The following BCAT2 variants were observed in gnomAD, a reference collection of about 807,000 sequenced individuals.
BCAT2 encodes the protein branched-chain-amino-acid aminotransferase, mitochondrial.
A neutral mutation model predicts 52.9 loss-of-function variants in BCAT2; 44 were observed. The observed-to-expected ratio is 0.83, with a 90% CI of 0.65 to 1.07. The LOEUF is 1.07. BCAT2 is among the 50% of genes least tolerant of loss of function. BCAT2 has a pLI of 0.00. For synonymous variants in BCAT2, 215 were observed against 217.1 expected (o/e 0.99, Z 0.08); for missense variants, 478 against 521.8 (o/e 0.92, Z 0.82).
intron 2 of BCAT2, 22 bp from the exon 3 acceptor site, chr19:48,806,739 C>T (rs1261527852): frequency 6.2e-7 from 1 of 1,609,900 alleles, no homozygotes; most frequent in East Asian, 2.2e-5. Context: ...CAGGGGTATC[C>T]TAGAATCTGG....
chr19:48,800,370 G>A (rs2034633245), intron 3 of BCAT2, 73 bp from the exon 4 acceptor site: 1 of 1,337,590 alleles, frequency 7.5e-7, no homozygotes, highest in African/African-American at 1.4e-5. Flanking sequence ...GACAGACAGA[G>A]ACAGATACAC....
At position 48,799,712 on chromosome 19, in the gene BCAT2, C is replaced by T. The variant is rs1362693066; in HGVS notation, c.658G>A (p.Ala220Thr). ...TAGTTGCCGACCCCGCCCACCCAGG[C>T]CCGGATGAAGGCTGGGTCGGCCAGG... ...SLLADPAFIR[A>T]WVGGVGNYKL... The change falls in exon 6 of 11, where the codon GCC becomes ACC. Residue 220 changes from alanine to threonine, a missense_variant. By Grantham distance (58) the Ala-to-Thr change is moderately conservative (BLOSUM62 0). Coordinates refer to ENST00000316273, the MANE Select transcript of BCAT2 (RefSeq NM_001190.4). The surrounding 1 kb of genome is among the most constrained non-coding windows in gnomAD (Gnocchi z 5.5). 6.3e-7 allele frequency: 1 copy of T among 1,598,500 alleles called. No individual in the cohort carries two copies. The highest frequency in any genetic ancestry group is 8.5e-7 in the Non-Finnish European group (1 of 1,174,198).
chr19:48,800,222 G>C lies in BCAT2; in HGVS notation c.376C>G (p.Arg126Gly). ...AGGCGCATGGCTGAGCGCAGCATCC[G>C]GTCCATGTTGAGCCAGGGGCGGAAG... ...RLFRPWLNMD[R>G]MLRSAMRLCL... The change falls in exon 4 of 11, where the codon CGG becomes GGG. Residue 126 changes from arginine to glycine, a missense_variant. Transcript: ENST00000316273. 10 of 1,613,828 alleles carry C rather than the reference G, an allele frequency of 6.2e-6. No individual in the cohort carries two copies. The highest frequency in any genetic ancestry group is 7.6e-6 in the Non-Finnish European group (9 of 1,180,028).
chr19:48,807,468 TC>T lies in BCAT2; in HGVS notation c.25-395del. On this transcript the variant is annotated intron_variant, in intron 1 of 10. Transcript: ENST00000316273. The surrounding 1 kb of genome is among the most constrained non-coding windows in gnomAD (Gnocchi z 4.6). Reference sequence around the variant, plus strand: ...AAGACCAAGGACCGACAGGTCCTGCTCCCCCAGAGCTCAGGGGTGCAGACCC... The same window carrying T: ...AAGACCAAGGACCGACAGGTCCTGCTCCCCAGAGCTCAGGGGTGCAGACCC... 1 of 186,436 alleles carries T rather than the reference TC, an allele frequency of 5.4e-6. No homozygotes were observed. The highest frequency in any genetic ancestry group is 1.1e-5 in the Non-Finnish European group (1 of 89,046). The allele number at this position is 186,436 out of a possible 1,614,324, so 11.5% of individuals were successfully genotyped here. A position where few individuals can be genotyped will look rare whatever the true frequency, so the allele number is the denominator to read the frequency against.
At chr19:48,810,861 TGCA>T in intron 1 of BCAT2, 120 bp downstream of exon 1, 1 of 1,523,490 alleles carries the variant, frequency 6.6e-7, no homozygotes, top group Middle Eastern at 1.9e-4. Context: ...CTCCGCGCCC[TGCA>T]GCGGAACCCC....
At chr19:48,810,739 T>C in intron 1 of BCAT2, 2 of 429,688 alleles carry the variant, frequency 4.7e-6, no homozygotes, top group Non-Finnish European at 6.4e-6. Context: ...TGTTTCCCTT[T>C]TTTTTTTTTT....
At position 48,795,287 on chromosome 19, in the gene BCAT2, C is replaced by T; in HGVS notation, c.*139G>A. Reference sequence around the variant, plus strand: ...TACGGCTTTGGGAGTGTCGCAACCACATGGGGGCGCCAGAGACCCAGACGC... The same window carrying T: ...TACGGCTTTGGGAGTGTCGCAACCATATGGGGGCGCCAGAGACCCAGACGC... On this transcript the variant is annotated 3_prime_UTR_variant, in exon 11 of 11. Coordinates refer to ENST00000316273, the MANE Select transcript of BCAT2 (RefSeq NM_001190.4). The T allele has an allele frequency of 8.6e-7, 1 of 1,157,096 alleles. No individual in the cohort carries two copies. Among genetic ancestry groups the T allele is most frequent in the Admixed American group, 2.0e-5 (1 of 49,308 alleles). The allele number at this position is 1,157,096 out of a possible 1,614,324, so 71.7% of individuals were successfully genotyped here.
chr19:48,810,347 C>T (rs992526272), intron 1 of BCAT2, among the ~76,000 whole-genome samples: 3 of 152,142 alleles, frequency 2.0e-5, no homozygotes, highest in African/African-American at 4.8e-5. Context: ...ATCATAGACT[C>T]TGGGAAACGC....
At chr19:48,803,621 G>A (rs2034702241) in intron 3 of BCAT2, among the ~76,000 whole-genome samples, 1 of 151,878 alleles carries the variant, frequency 6.6e-6, no homozygotes, top group African/African-American at 2.4e-5. Context: ...GCCGAAGCAG[G>A]TGGATCACTT....
At chr19:48,795,599 G>A (rs1411763895) in intron 10 of BCAT2, 135 bp from the exon 11 acceptor site, 4 of 987,858 alleles carry the variant, frequency 4.0e-6, no homozygotes, top group East Asian at 2.6e-5. Context: ...CTTCCCAGAG[G>A]GCCCCAACAA....
intron 3 of BCAT2, among the ~76,000 whole-genome samples, chr19:48,803,083 C>T (rs1245816352): frequency 6.6e-6 from 1 of 152,056 alleles, no homozygotes; most frequent in Non-Finnish European, 1.5e-5. Flanking sequence ...TAGTCCTAGC[C>T]ACTCGGGAGG....
In BCAT2 at chr19:48,796,723, AG is replaced by A. The variant is rs1161217969; in HGVS notation, c.925-6del. The A allele has an allele frequency of 2.5e-6, 4 of 1,609,284 alleles. No homozygotes were observed. Among genetic ancestry groups the A allele is most frequent in the South Asian group, 1.1e-5 (1 of 90,628 alleles). On this transcript the variant is annotated splice_polypyrimidine_tract_variant and splice_region_variant and intron_variant, in intron 8 of 10. Coordinates refer to ENST00000316273, the MANE Select transcript of BCAT2 (RefSeq NM_001190.4). ...CTCCACCACCCGGAACTCACCCTGC[AG>A]GGCAGTTGGCAGAGACACGTGTCCC...
In BCAT2 at chr19:48,807,302, T is replaced by C; in HGVS notation, c.25-228A>G. 4.2e-6 allele frequency: 2 copies of C among 476,806 alleles called. No individual in the cohort carries two copies. Among genetic ancestry groups the C allele is most frequent in the South Asian group, 2.5e-5 (1 of 40,622 alleles). The allele number at this position is 476,806 out of a possible 1,614,324, so 29.5% of individuals were successfully genotyped here. ...TCAGCTCCCGCCCCCTCCTCCATGC[T>C]GCGGCAAAGTCAAACGCAAGCGCCT... On this transcript the variant is annotated intron_variant, in intron 1 of 10. Transcript: ENST00000316273. The surrounding 1 kb of genome is among the most constrained non-coding windows in gnomAD (Gnocchi z 4.6).
intron 6 of BCAT2, 174 bp from the exon 7 acceptor site, chr19:48,797,507 T>C (rs1408965455): frequency 7.1e-6 from 5 of 704,068 alleles, no homozygotes; most frequent in Non-Finnish European, 1.2e-5. Flanking sequence ...GGACCCTAAA[T>C]GGTTATGTCC....
chr19:48,800,532 G>A (rs1277227903), intron 3 of BCAT2, among the ~76,000 whole-genome samples: 5 of 152,144 alleles, frequency 3.3e-5, no homozygotes, highest in Non-Finnish European at 5.9e-5. Context: ...CAAAGGACAC[G>A]ACCGGGCTCA....
intron 10 of BCAT2, 109 bp from the exon 11 acceptor site, chr19:48,795,573 C>A (rs2034488955): frequency 1.5e-6 from 2 of 1,315,466 alleles, no homozygotes; most frequent in East Asian, 5.0e-5. Flanking sequence ...CAGCGGCTCA[C>A]GGGAAATGTA....
rs780242974 is a variant in BCAT2 at position 48,796,685 on chromosome 19, T to C, written c.958A>G (p.Met320Val). ...TCCAGGGCCCGCAGCAACTGCTTCA[T>C]GGTGATCGTGCGCTCCACCACCCGG... ...EFRVVERTIT[M>V]KQLLRALEEG... is the part of the protein sequence containing the mutation. The change falls in exon 9 of 11, where the codon ATG becomes GTG. Residue 320 changes from methionine to valine, a missense_variant. Coordinates refer to ENST00000316273, the MANE Select transcript of BCAT2 (RefSeq NM_001190.4). 1 of 1,613,326 alleles carries C rather than the reference T, an allele frequency of 6.2e-7. No individual in the cohort carries two copies. The highest frequency in any genetic ancestry group is 2.2e-5 in the East Asian group (1 of 44,884).
chr19:48,809,333 T>C (rs1037807281), intron 1 of BCAT2, among the ~76,000 whole-genome samples: 12 of 152,028 alleles, frequency 7.9e-5, no homozygotes, highest in African/African-American at 2.9e-4. Flanking sequence ...TATAATGTGA[T>C]AGAACCTCCA....
chr19:48,802,324 G>A (rs540256135), intron 3 of BCAT2, among the ~76,000 whole-genome samples: 2 of 151,708 alleles, frequency 1.3e-5, no homozygotes, highest in African/African-American at 2.4e-5. Flanking sequence ...TAGATGTGGC[G>A]ATACGTATCA....
Sources: allele counts gnomAD v4.1 joint callset (sites outside exome capture counted in the v4.1 genomes callset), GRCh38; gene constraint gnomAD v4.1.1; non-coding constraint Gnocchi (gnomAD v3.1); transcripts MANE v1.5; gene names NCBI Gene and HGNC (gene_info 2026-07-23, HGNC 2026-07-21).